MACROD2: variants seen among roughly 807,000 people sequenced by gnomAD.
The protein encoded by MACROD2 is ADP-ribose glycohydrolase MACROD2.
In MACROD2, 36 loss-of-function variants were observed where a neutral mutation model predicts 70.4. That is an observed-to-expected ratio of 0.51 (90% confidence interval 0.39 to 0.68). The LOEUF (loss-of-function observed/expected upper bound fraction) is 0.68, where lower values mean the gene tolerates loss of function less well. MACROD2 is among the 30% of genes least tolerant of loss of function. The pLI, the probability that MACROD2 is intolerant of heterozygous loss-of-function variation, is 0.00. For synonymous variants in MACROD2, 172 were observed against 178.8 expected (o/e 0.96, Z 0.30); for missense variants, 496 against 538.4 (o/e 0.92, Z 0.78).
chr20:16,014,017 C>T (rs776203171), intron 15 of MACROD2, among the ~76,000 whole-genome samples: 37 of 152,192 alleles, frequency 2.4e-4, no homozygotes, highest in African/African-American at 7.5e-4. Context: ...TCTGTAGGAT[C>T]GGCAAAATGA....
intron 17 of MACROD2, among the ~76,000 whole-genome samples, chr20:16,047,512 A>G (rs1215502635): frequency 6.6e-6 from 1 of 152,130 alleles, no homozygotes; most frequent in Non-Finnish European, 1.5e-5. Context: ...TTCTAGGTTG[A>G]GCTTTAAGAG....
intron 8 of MACROD2, among the ~76,000 whole-genome samples, chr20:15,844,713 C>T (rs2064211246): frequency 6.6e-6 from 1 of 152,084 alleles, no homozygotes; most frequent in Non-Finnish European, 1.5e-5. Context: ...CAACCCCCAC[C>T]ATTGTTTGCA....
chr20:14,217,774 A>G (rs2081635965), intron 3 of MACROD2, among the ~76,000 whole-genome samples: 1 of 152,006 alleles, frequency 6.6e-6, no homozygotes, highest in Non-Finnish European at 1.5e-5. Context: ...TGTGTCCTCT[A>G]GGTTTTCTAG....
At chr20:14,383,195 A>AT (rs1246971698) in intron 3 of MACROD2, among the ~76,000 whole-genome samples, 1 of 152,222 alleles carries the variant, frequency 6.6e-6, no homozygotes, top group Non-Finnish European at 1.5e-5. Context: ...AGGGACCACC[A>AT]TGGAAGTCCA....
chr20:15,026,828 C>T (rs139168633), intron 5 of MACROD2, among the ~76,000 whole-genome samples: 5 of 152,140 alleles, frequency 3.3e-5, no homozygotes, highest in African/African-American at 1.2e-4. Context: ...TGCTAGGGCA[C>T]TCAGTCTGGA....
intron 5 of MACROD2, among the ~76,000 whole-genome samples, chr20:15,134,302 T>A (rs1010318919): frequency 6.6e-6 from 1 of 150,384 alleles, no homozygotes; most frequent in Admixed American, 6.6e-5. Context: ...GGCGGGCGGA[T>A]CACGAGGTCA....
At chr20:15,522,213 G>A (rs556002282) in intron 8 of MACROD2, among the ~76,000 whole-genome samples, 1 of 152,264 alleles carries the variant, frequency 6.6e-6, no homozygotes, top group Admixed American at 6.5e-5. Flanking sequence ...CACCCCAGGA[G>A]CCTCCTTCAC....
intron 3 of MACROD2, among the ~76,000 whole-genome samples, chr20:14,444,043 T>C (rs1044522310): frequency 3.3e-5 from 5 of 152,108 alleles, no homozygotes; most frequent in Admixed American, 1.3e-4. Context: ...TCTCACTTTA[T>C]CTAAAAACTA....
intron 15 of MACROD2, among the ~76,000 whole-genome samples, chr20:16,034,362 T>C (rs1364739199): frequency 6.6e-6 from 1 of 152,050 alleles, no homozygotes; most frequent in Non-Finnish European, 1.5e-5. Context: ...TTTGATCTCC[T>C]TTCACTTAGT....
intron 5 of MACROD2, among the ~76,000 whole-genome samples, chr20:14,818,057 T>A (rs916106620): frequency 1.3e-5 from 2 of 152,174 alleles, no homozygotes; most frequent in African/African-American, 4.8e-5. Flanking sequence ...TTATTTTTAT[T>A]CTATCCTGAT....
intron 4 of MACROD2, among the ~76,000 whole-genome samples, chr20:14,669,631 T>G (rs2070773156): frequency 6.6e-6 from 1 of 152,180 alleles, no homozygotes; most frequent in South Asian, 2.1e-4. Flanking sequence ...CAAATGAGGT[T>G]GTCTCAGAGG....
At chr20:15,005,676 C>A (rs550747762) in intron 5 of MACROD2, among the ~76,000 whole-genome samples, 2 of 152,184 alleles carry the variant, frequency 1.3e-5, no homozygotes, top group South Asian at 4.1e-4. Context: ...ACCCATGGAC[C>A]CCTCCTATTG....
intron 9 of MACROD2, among the ~76,000 whole-genome samples, chr20:15,875,876 C>G (rs2064660414): frequency 6.6e-6 from 1 of 151,798 alleles, no homozygotes; most frequent in Non-Finnish European, 1.5e-5. Context: ...TTCAAACATT[C>G]TGGGTAGACT....
intron 5 of MACROD2, among the ~76,000 whole-genome samples, chr20:15,164,706 G>A (rs981518461): frequency 2.0e-5 from 3 of 152,004 alleles, no homozygotes; most frequent in African/African-American, 7.2e-5. Context: ...AACCAGCCAG[G>A]GCAACATAGC....
At chr20:14,882,942 A>T (rs1016717394) in intron 5 of MACROD2, among the ~76,000 whole-genome samples, 3 of 152,168 alleles carry the variant, frequency 2.0e-5, no homozygotes, top group African/African-American at 7.2e-5. Flanking sequence ...GCCCTCTTAC[A>T]TAAGCCATAA....
intron 6 of MACROD2, among the ~76,000 whole-genome samples, chr20:15,289,120 T>G (rs561811049): frequency 1.3e-5 from 2 of 152,256 alleles, no homozygotes; most frequent in Admixed American, 6.5e-5. Context: ...TGGATGCTAA[T>G]CACATGGTCT....
chr20:14,911,278 A>G (rs1241669919), intron 5 of MACROD2, among the ~76,000 whole-genome samples: 1 of 152,194 alleles, frequency 6.6e-6, no homozygotes, highest in Non-Finnish European at 1.5e-5. Context: ...CCAGATGTTA[A>G]CATCTTAACA....
At chr20:15,916,977 A>T (rs543292407) in intron 10 of MACROD2, among the ~76,000 whole-genome samples, 1 of 152,312 alleles carries the variant, frequency 6.6e-6, no homozygotes, top group African/African-American at 2.4e-5. Flanking sequence ...CCTCTGCCAC[A>T]TATTTTCTTC....
At chr20:14,887,541 C>A (rs2073695046) in intron 5 of MACROD2, among the ~76,000 whole-genome samples, 1 of 151,856 alleles carries the variant, frequency 6.6e-6, no homozygotes, top group Non-Finnish European at 1.5e-5. Context: ...TACAGGCACA[C>A]CCAGCTAATT....
Sources: allele counts gnomAD v4.1 joint callset (sites outside exome capture counted in the v4.1 genomes callset), GRCh38; gene constraint gnomAD v4.1.1; transcripts MANE v1.5; gene names NCBI Gene and HGNC (gene_info 2026-07-23, HGNC 2026-07-21).